The following NOL4L variants were observed in gnomAD, a reference collection of about 807,000 sequenced individuals.
NOL4L encodes the protein nucleolar protein 4-like.
In NOL4L, 7 loss-of-function variants were observed where a neutral mutation model predicts 64.5. The observed-to-expected ratio is 0.11, with a 90% CI of 0.06 to 0.20. The LOEUF (loss-of-function observed/expected upper bound fraction) is 0.20. NOL4L is among the 10% of genes least tolerant of loss of function. The pLI, the probability that NOL4L is intolerant of heterozygous loss-of-function variation, is 1.00. For synonymous variants in NOL4L, 413 were observed against 401.0 expected, an observed-to-expected ratio of 1.03 and a Z score of -0.36; for missense variants, 680 against 967.1, an observed-to-expected ratio of 0.70 and a Z score of 3.94.
intron 2 of NOL4L, among the ~76,000 whole-genome samples, chr20:32,526,447 T>C: frequency 6.8e-6 from 1 of 146,014 alleles, no homozygotes; most frequent in East Asian, 2.0e-4. Flanking sequence ...ATCCTTAAAA[T>C]CCATTTAGGG....
chr20:32,535,248 ATACTACC>A (rs1250101026), intron 1 of NOL4L, among the ~76,000 whole-genome samples: 6 of 151,208 alleles, frequency 4.0e-5, no homozygotes, highest in Non-Finnish European at 7.4e-5. Flanking sequence ...TCGGTTCTGA[ATACTACC>A]TACTGGGGAC....
intron 1 of NOL4L, among the ~76,000 whole-genome samples, chr20:32,584,325 G>A (rs1020897516): frequency 6.6e-5 from 10 of 151,166 alleles, no homozygotes; most frequent in Admixed American, 5.2e-4. Flanking sequence ...GGGACAGCCT[G>A]CCCGGCACGG....
At chr20:32,519,829 GA>G (rs1445317643) in intron 3 of NOL4L, 4 of 152,208 alleles carry the variant, frequency 2.6e-5, no homozygotes, top group Admixed American at 6.5e-5. Context: ...TGTTTTTTGA[GA>G]TGGGGTCTAA....
chr20:32,474,581 T>C lies in NOL4L; in HGVS notation c.841+20A>G. The C allele has an allele frequency of 6.2e-7, 1 of 1,601,386 alleles. No homozygotes were observed. Among genetic ancestry groups the C allele is most frequent in the Non-Finnish European group, 8.5e-7 (1 of 1,172,680 alleles). On this transcript the variant is annotated intron_variant, in intron 5 of 10. Transcript: ENST00000621426. ...GGGCCGGGCACAGCCCCTCCTCAAC[T>C]GCCACCAAGGGGCACTCACCGTCCT...
At position 32,452,732 on chromosome 20, in the gene NOL4L, A is replaced by AC. The variant is rs1568593282; in HGVS notation, c.1620+151dup. The AC allele has an allele frequency of 3.2e-6, 4 of 1,251,120 alleles. No individual in the cohort carries two copies. The East Asian group carries it at 9.8e-5, about 31-fold the overall frequency. 77.5% of individuals were successfully genotyped at this position (1,251,120 alleles called of 1,614,324 possible). On this transcript the variant is annotated intron_variant, in intron 9 of 10. Coordinates refer to ENST00000621426, the MANE Select transcript of NOL4L (RefSeq NM_001256798.2). The stretch of plus-strand genomic sequence containing the variant: ...TCTGAGAACAACACACCTGACCTCC[A>AC]CCCACCTCCTCTCCTTGTCTTTGCC...
chr20:32,544,092 G>C (rs1473302378), intron 1 of NOL4L, among the ~76,000 whole-genome samples: 1 of 152,142 alleles, frequency 6.6e-6, no homozygotes, highest in East Asian at 1.9e-4. Context: ...GGCAGCCATA[G>C]AGGGATTTTA....
At chr20:32,451,627 C>T (rs757943896) in intron 10 of NOL4L, 43 of 152,368 alleles carry the variant, frequency 2.8e-4, no homozygotes, top group Non-Finnish European at 6.0e-4. Flanking sequence ...AGGAGCGGAG[C>T]GAGGGAGCAG....
chr20:32,483,877 T>A (rs867822967), intron 4 of NOL4L, among the ~76,000 whole-genome samples: 9 of 107,744 alleles, frequency 8.4e-5, no homozygotes, highest in Non-Finnish European at 1.3e-4. Flanking sequence ...TAGGGGGGGA[T>A]AAGGGCGCGC....
chr20:32,570,004 T>C (rs1979662273), intron 1 of NOL4L, among the ~76,000 whole-genome samples: 1 of 152,134 alleles, frequency 6.6e-6, no homozygotes, highest in African/African-American at 2.4e-5. Flanking sequence ...GTGGATCGGA[T>C]CGCAGAGCCT....
intron 1 of NOL4L, among the ~76,000 whole-genome samples, chr20:32,543,723 G>A (rs1481027654): frequency 2.0e-5 from 3 of 152,116 alleles, no homozygotes; most frequent in Non-Finnish European, 4.4e-5. Context: ...CCAGGAGGTG[G>A]AGGTTGCAGT....
chr20:32,490,591 G>C (rs901958308), intron 4 of NOL4L, among the ~76,000 whole-genome samples: 1 of 152,148 alleles, frequency 6.6e-6, no homozygotes, highest in African/African-American at 2.4e-5. Flanking sequence ...CTCACAGTCA[G>C]TTTGACACCT....
intron 1 of NOL4L, among the ~76,000 whole-genome samples, chr20:32,583,988 C>T (rs1980697353): frequency 2.0e-5 from 3 of 149,142 alleles, no homozygotes; most frequent in African/African-American, 7.4e-5. Flanking sequence ...CCGCCCCTCC[C>T]CGGGCCAGCC....
intron 1 of NOL4L, among the ~76,000 whole-genome samples, chr20:32,543,574 G>A (rs377495476): frequency 6.6e-6 from 1 of 151,592 alleles, no homozygotes. Flanking sequence ...AGCTGAGATC[G>A]TGCCATTGCA....
chr20:32,465,942 C>T (rs1462960146), intron 5 of NOL4L, among the ~76,000 whole-genome samples: 2 of 150,456 alleles, frequency 1.3e-5, no homozygotes, highest in African/African-American at 2.4e-5. Context: ...CTGATCCCCA[C>T]GTGGCCCCAC....
At chr20:32,459,380 AT>A (rs35851647) in intron 5 of NOL4L, among the ~76,000 whole-genome samples, 41,833 of 121,250 alleles carry the variant, frequency 0.35, 6,728 homozygotes, top group East Asian at 0.78. Context: ...CGCTTGGCTA[AT>A]TTTTTTTTTT....
chr20:32,566,435 C>T (rs1979435364), intron 1 of NOL4L, among the ~76,000 whole-genome samples: 1 of 152,138 alleles, frequency 6.6e-6, no homozygotes, highest in Non-Finnish European at 1.5e-5. Flanking sequence ...CACTGACTCC[C>T]GTGGGGACAG....
chr20:32,450,995 G>A (rs1215440593), intron 10 of NOL4L, among the ~76,000 whole-genome samples: 2 of 152,140 alleles, frequency 1.3e-5, no homozygotes, highest in African/African-American at 4.8e-5. Flanking sequence ...GGGGGGTGGC[G>A]GGGGTCAAGG....
At position 32,460,620 on chromosome 20, in the gene NOL4L, C is replaced by T. The variant is rs1055173501; in HGVS notation, c.842-4225G>A. On this transcript the variant is annotated intron_variant, in intron 5 of 10. Transcript: ENST00000621426. The surrounding 1 kb of genome is among the most constrained non-coding windows in gnomAD (Gnocchi z 5.7). ...TGGTGCCCGAGATGGGGCAGGAGCT[C>T]AAAAGGAAACCCCAATTCCCTGCAC... Among the ~76,000 whole-genome samples, 6 of 152,180 alleles carry T rather than the reference C, an allele frequency of 3.9e-5. No homozygotes were observed. Among genetic ancestry groups the T allele is most frequent in the Admixed American group, 1.3e-4 (2 of 15,274 alleles).
intron 1 of NOL4L, chr20:32,536,415 T>G (rs555007806): frequency 9.5e-6 from 6 of 629,700 alleles, no homozygotes; most frequent in Non-Finnish European, 1.2e-5. Context: ...TGGGCCGCGC[T>G]AATGACTGTT....
Sources: gnomAD v4.1 joint callset for allele counts (sites outside exome capture counted in the v4.1 genomes callset) on GRCh38, gnomAD v4.1.1 for gene constraint, Gnocchi (gnomAD v3.1) non-coding constraint, MANE v1.5 for transcripts, NCBI Gene and HGNC (gene_info 2026-07-23, HGNC 2026-07-21) for gene names.